The following SPOCK3 variants were observed in gnomAD, a reference collection of about 807,000 sequenced individuals.
SPOCK3 encodes the protein testican-3.
In SPOCK3, 30 loss-of-function variants were observed where a neutral mutation model predicts 56.6. That is an observed-to-expected ratio of 0.53 (90% CI 0.40 to 0.72). The LOEUF (loss-of-function observed/expected upper bound fraction) is 0.72. Among genes scored for constraint, SPOCK3 ranks in the 30% least tolerant of loss-of-function variants. SPOCK3 has a pLI of 0.00. For synonymous variants in SPOCK3, 196 were observed against 183.3 expected (o/e 1.07, Z -0.56); for missense variants, 527 against 530.0 (o/e 0.99, Z 0.06).
intron 7 of SPOCK3, 78 bp from the exon 8 acceptor site, chr4:166,754,807 A>T: frequency 1.5e-6 from 2 of 1,334,172 alleles, no homozygotes; most frequent in Non-Finnish European, 2.1e-6. Context: ...TCAACATAGC[A>T]GGTAGCTAGT....
chr4:166,736,704 TGTGTGTGTGTGTGCGC>T (rs1734248358), intron 10 of SPOCK3, among the ~76,000 whole-genome samples: 1 of 151,794 alleles, frequency 6.6e-6, no homozygotes, highest in Non-Finnish European at 1.5e-5. Context: ...ATTCCTGGTG[TGTGTGTGTGTGTGCGC>T]GTGTGTGTGT....
chr4:166,941,746 G>A (rs1741091058), intron 4 of SPOCK3, among the ~76,000 whole-genome samples: 3 of 152,194 alleles, frequency 2.0e-5, no homozygotes, highest in Admixed American at 6.5e-5. Flanking sequence ...TGAATTACTC[G>A]CACTGAGGAG....
chr4:166,962,248 G>T (rs1286111162), intron 4 of SPOCK3, among the ~76,000 whole-genome samples: 1 of 152,096 alleles, frequency 6.6e-6, no homozygotes, highest in African/African-American at 2.4e-5. Flanking sequence ...GGTAATGTTG[G>T]ATGTCTTTGT....
chr4:166,825,732 A>G (rs1745393288), intron 6 of SPOCK3, among the ~76,000 whole-genome samples: 1 of 152,144 alleles, frequency 6.6e-6, no homozygotes, highest in Non-Finnish European at 1.5e-5. Flanking sequence ...ATAAAACAAC[A>G]GCCTTGGCAA....
intron 4 of SPOCK3, among the ~76,000 whole-genome samples, chr4:166,994,005 A>G (rs988360845): frequency 6.6e-6 from 1 of 152,172 alleles, no homozygotes; most frequent in Non-Finnish European, 1.5e-5. Flanking sequence ...TTCTGGAGAA[A>G]TGGAGATGGA....
chr4:167,135,075 A>AAT lies in SPOCK3; in HGVS notation c.190-72540_190-72539dup, dbSNP rs199848364. Among the ~76,000 whole-genome samples, 1,475 of 149,864 alleles carry AAT rather than the reference A, an allele frequency of 9.8e-3. 20 individuals carry two copies. The highest frequency in any genetic ancestry group is 0.033 in the African/African-American group (1,363 of 41,116). The stretch of plus-strand genomic sequence containing the variant: ...GTTGGCTCAAACACATATAAATATA[A>AAT]ATATATATATAAAATATGTGTTTAA... On this transcript the variant is annotated intron_variant, in intron 2 of 10. Coordinates refer to ENST00000357545, the MANE Select transcript of SPOCK3 (RefSeq NM_001040159.2).
At chr4:167,094,853 G>C (rs1008239019) in intron 2 of SPOCK3, among the ~76,000 whole-genome samples, 1 of 152,022 alleles carries the variant, frequency 6.6e-6, no homozygotes. Flanking sequence ...GAAAGACACA[G>C]AGAGAAAGAG....
At chr4:166,834,307 C>T (rs1028471424) in intron 6 of SPOCK3, among the ~76,000 whole-genome samples, 2 of 152,194 alleles carry the variant, frequency 1.3e-5, no homozygotes, top group African/African-American at 2.4e-5. Context: ...AGCTTCTGAT[C>T]GCTCATAGGT....
chr4:167,232,203 A>C (rs1737246767), intron 2 of SPOCK3, among the ~76,000 whole-genome samples: 1 of 152,168 alleles, frequency 6.6e-6, no homozygotes, highest in South Asian at 2.1e-4. Flanking sequence ...AATTTAATAA[A>C]GTAATTTGAA....
chr4:167,106,819 C>T (rs1360715346), intron 2 of SPOCK3, among the ~76,000 whole-genome samples: 1 of 149,970 alleles, frequency 6.7e-6, no homozygotes, highest in Non-Finnish European at 1.5e-5. Context: ...AACAGGGAGC[C>T]ATTACAATTG....
chr4:166,991,379 T>G (rs1003066795), intron 4 of SPOCK3, among the ~76,000 whole-genome samples: 1 of 150,942 alleles, frequency 6.6e-6, no homozygotes, highest in Non-Finnish European at 1.5e-5. Flanking sequence ...ATTTATTTAT[T>G]TATGTTTTGA....
intron 4 of SPOCK3, among the ~76,000 whole-genome samples, chr4:166,989,161 A>G (rs1469814340): frequency 1.3e-5 from 2 of 152,126 alleles, no homozygotes; most frequent in East Asian, 3.9e-4. Flanking sequence ...AAAGCCTCCC[A>G]TTATTTGCTA....
chr4:166,940,941 TC>T (rs1302520900), intron 4 of SPOCK3, among the ~76,000 whole-genome samples: 1 of 150,754 alleles, frequency 6.6e-6, no homozygotes, highest in African/African-American at 2.4e-5. Flanking sequence ...CATCCTGAAT[TC>T]CCTCCCTTTC....
At chr4:167,032,515 G>A (rs1028668191) in intron 3 of SPOCK3, among the ~76,000 whole-genome samples, 1 of 151,820 alleles carries the variant, frequency 6.6e-6, no homozygotes, top group African/African-American at 2.4e-5. Context: ...ATCACATAAT[G>A]GATTTGTGCA....
At chr4:167,076,927 T>C (rs1477900726) in intron 2 of SPOCK3, among the ~76,000 whole-genome samples, 3 of 151,888 alleles carry the variant, frequency 2.0e-5, no homozygotes, top group African/African-American at 7.2e-5. Flanking sequence ...CCAATAAATA[T>C]ACGTTTACTA....
chr4:166,762,699 T>C (rs1298620951), intron 7 of SPOCK3, among the ~76,000 whole-genome samples: 1 of 152,202 alleles, frequency 6.6e-6, no homozygotes, highest in East Asian at 1.9e-4. Flanking sequence ...CTGGAGACTA[T>C]ATGCAACATT....
chr4:166,831,607 T>C (rs1746063591), intron 6 of SPOCK3, among the ~76,000 whole-genome samples: 3 of 152,138 alleles, frequency 2.0e-5, no homozygotes, highest in Middle Eastern at 6.8e-3. Flanking sequence ...CATACTCTCA[T>C]TATCCTATTA....
At chr4:167,119,698 T>C (rs1761710762) in intron 2 of SPOCK3, 1 of 844,342 alleles carries the variant, frequency 1.2e-6, no homozygotes, top group African/African-American at 1.7e-5. Context: ...AACAACACAT[T>C]TGAAGTATTT....
At chr4:166,785,821 G>A (rs979994494) in intron 7 of SPOCK3, among the ~76,000 whole-genome samples, 3 of 152,122 alleles carry the variant, frequency 2.0e-5, no homozygotes, top group African/African-American at 7.2e-5. Flanking sequence ...AGCAGCTACA[G>A]GCTAATTTAT....
Sources: allele counts gnomAD v4.1 joint callset (sites outside exome capture counted in the v4.1 genomes callset), GRCh38; gene constraint gnomAD v4.1.1; transcripts MANE v1.5; gene names NCBI Gene and HGNC (gene_info 2026-07-23, HGNC 2026-07-21).